Variants in ASPM observed in about 807,000 individuals in gnomAD.
ASPM encodes abnormal spindle-like microcephaly-associated protein.
In ASPM, 256 loss-of-function variants were observed where a neutral mutation model predicts 366.4. The ratio of observed to expected loss-of-function variants is 0.70; its 90% CI spans 0.63 to 0.77. The LOEUF is 0.77. ASPM is among the 30% of genes least tolerant of loss of function. The pLI is 0.00. For synonymous variants in ASPM, 1,414 were observed against 1,342.9 expected (o/e 1.05, Z -1.16); for missense variants, 4,146 against 4,090.4 (o/e 1.01, Z -0.37).
rs1223154061 is a variant in ASPM, at chr1:197,146,386, G to A, written c.52C>T (p.Arg18Trp). ...RGCWEVSPTE[R>W]RPPAGLRGPA... is the part of the protein sequence containing the mutation. ...CCCCGCAGCCCCGCGGGCGGCCTCCGCTCGGTCGGGCTCACTTCCCAGCAG... is the reference window on the plus strand; with the variant it reads ...CCCCGCAGCCCCGCGGGCGGCCTCCACTCGGTCGGGCTCACTTCCCAGCAG... Residue 18 changes from arginine (R) to tryptophan (W), a missense_variant, in exon 1 of 28, where the codon CGG (arginine) becomes TGG (tryptophan). Physicochemically the swap from Arg to Trp is moderately radical, Grantham distance 101. This residue lies in a region of ASPM where 512 missense variants were observed against 471.7 expected (regional missense o/e 1.09). Transcript: ENST00000367409. 3 of 1,609,372 alleles carry A rather than the reference G, an allele frequency of 1.9e-6. No homozygotes were observed. The highest frequency in any genetic ancestry group is 1.7e-6 in the Non-Finnish European group (2 of 1,179,204).
rs777344410 is a variant in ASPM at position 197,101,374 on chromosome 1, T to C, written c.7877A>G (p.Gln2626Arg). The change falls in exon 18 of 28, where the codon CAG becomes CGG. Residue 2626 changes from glutamine to arginine, a missense_variant. Gln to Arg is a conservative substitution (Grantham distance 43). This residue lies in a region of ASPM where 3,624 missense variants were observed against 3,591.7 expected (regional missense o/e 1.01). Transcript: ENST00000367409. ...ATGCTTCTGAATAATAATGGCAGCC[T>C]GGTGCTGTTCCTGAATCTGTTTTTT... is the stretch of plus-strand genomic sequence containing the variant. ...NIKKQIQEQH[Q>R]AAIIIQKHCK... 1.9e-6 allele frequency: 3 copies of C among 1,609,744 alleles called. No homozygotes were observed. Among genetic ancestry groups the C allele is most frequent in the Non-Finnish European group, 1.7e-6 (2 of 1,178,930 alleles).
chr1:197,111,728 G>A (rs542879262), intron 17 of ASPM, among the ~76,000 whole-genome samples: 1 of 151,900 alleles, frequency 6.6e-6, no homozygotes, highest in East Asian at 2.0e-4. Context: ...CACACACACT[G>A]GAGACATACA....
intron 27 of ASPM, among the ~76,000 whole-genome samples, chr1:197,085,230 C>G (rs1423455756): frequency 6.6e-6 from 1 of 152,128 alleles, no homozygotes; most frequent in African/African-American, 2.4e-5. Context: ...GTTTACACAA[C>G]CAAGCTGATT....
At position 197,107,928 on chromosome 1, in the gene ASPM, T is replaced by C. The variant is rs116821158; in HGVS notation, c.4066-2743A>G. ...ATACATAAACAAATAGTTGTGACCA[T>C]ATTCTAAAAAACTCTATTTATAAAA... is the stretch of plus-strand genomic sequence containing the variant. On this transcript the variant is annotated intron_variant, in intron 17 of 27. Coordinates refer to ENST00000367409, the MANE Select transcript of ASPM (RefSeq NM_018136.5). 3.0e-3 allele frequency among the ~76,000 whole-genome samples: 458 copies of C among 152,234 alleles called. 2 individuals carry two copies. The highest frequency in any genetic ancestry group is 0.011 in the African/African-American group (439 of 41,568).
At chr1:197,094,202 G>A in intron 19 of ASPM, 22 bp from the exon 20 acceptor site, 2 of 1,461,534 alleles carry the variant, frequency 1.4e-6, no homozygotes, top group Non-Finnish European at 1.9e-6. Flanking sequence ...TTATTGGAAA[G>A]CAATGTCAAA....
chr1:197,110,296 G>A (rs565251004), intron 17 of ASPM, among the ~76,000 whole-genome samples: 1 of 152,106 alleles, frequency 6.6e-6, no homozygotes, highest in African/African-American at 2.4e-5. Context: ...TGACAAAGGT[G>A]CAAAGACATT....
intron 17 of ASPM, among the ~76,000 whole-genome samples, chr1:197,106,175 C>A (rs1197843011): frequency 1.3e-5 from 2 of 151,982 alleles, no homozygotes; most frequent in Non-Finnish European, 2.9e-5. Flanking sequence ...ACATGCACAT[C>A]CCTTTTCCTG....
chr1:197,140,862 G>A (rs1212925742), intron 3 of ASPM, among the ~76,000 whole-genome samples: 1 of 152,136 alleles, frequency 6.6e-6, no homozygotes, highest in Non-Finnish European at 1.5e-5. Flanking sequence ...AATAGTGGAA[G>A]AAACAACCCT....
chr1:197,112,690 C>T (rs1452407949), intron 17 of ASPM, among the ~76,000 whole-genome samples: 8 of 152,116 alleles, frequency 5.3e-5, no homozygotes, highest in African/African-American at 1.9e-4. Context: ...GACCTGGAAG[C>T]CCCCTCCCTG....
rs1289452867 is a variant in ASPM, at chr1:197,142,547, C to A, written c.1705G>T (p.Ala569Ser). Residue 569 changes from alanine to serine, a missense_variant, in exon 3 of 28, where the codon GCT becomes TCT. By Grantham distance (99) the Ala-to-Ser change is moderately conservative (BLOSUM62 1). Coordinates refer to ENST00000367409, the MANE Select transcript of ASPM (RefSeq NM_018136.5). Reference protein sequence around the residue: ...KNEVTPSSTTASVARKRKSDG... With the variant: ...KNEVTPSSTTSSVARKRKSDG... The stretch of plus-strand genomic sequence containing the variant: ...CTCTTTCTTTTCCGAGCAACTGAAG[C>A]TGTTGTCGAAGAGGGTGTTACCTCG... The A allele has an allele frequency of 6.2e-7, 1 of 1,614,036 alleles. No homozygotes were observed.
intron 13 of ASPM, among the ~76,000 whole-genome samples, chr1:197,123,102 C>T (rs1158250405): frequency 6.6e-6 from 1 of 152,172 alleles, no homozygotes; most frequent in African/African-American, 2.4e-5. Flanking sequence ...TTATAATTCA[C>T]GCCTGCATTA....
At chr1:197,140,729 G>C (rs1247174459) in intron 3 of ASPM, among the ~76,000 whole-genome samples, 1 of 152,138 alleles carries the variant, frequency 6.6e-6, no homozygotes, top group African/African-American at 2.4e-5. Flanking sequence ...ATGGACAATG[G>C]AATGAACAGG....
intron 18 of ASPM, among the ~76,000 whole-genome samples, chr1:197,099,795 G>A (rs1169505585): frequency 2.6e-5 from 4 of 151,704 alleles, no homozygotes; most frequent in Non-Finnish European, 5.9e-5. Context: ...GTTATTGCAG[G>A]TAAAAAGAAA....
At chr1:197,088,208 A>T in intron 26 of ASPM, 48 bp downstream of exon 26, 1 of 1,579,766 alleles carries the variant, frequency 6.3e-7, no homozygotes. Context: ...CATAGACTTA[A>T]GACCACAGAA....
At chr1:197,095,959 A>T in intron 19 of ASPM, 39 bp downstream of exon 19, 1 of 1,536,942 alleles carries the variant, frequency 6.5e-7, no homozygotes, top group Non-Finnish European at 8.9e-7. Context: ...TATCACACAC[A>T]AATACTTTTA....
At position 197,146,597 on chromosome 1, in the gene ASPM, A is replaced by G. The variant is rs1215322205; in HGVS notation, c.-160T>C. On this transcript the variant is annotated 5_prime_UTR_variant, in exon 1 of 28. Coordinates refer to ENST00000367409, the MANE Select transcript of ASPM (RefSeq NM_018136.5). ...TTTCTTTTCCACTAACCTACTCCCT[A>G]GAAAACAGAAAACAAGCCCAATAAA... 2 of 697,766 alleles carry G rather than the reference A, an allele frequency of 2.9e-6. No individual in the cohort carries two copies. Among genetic ancestry groups the G allele is most frequent in the African/African-American group, 1.8e-5 (1 of 55,368 alleles). The allele number at this position is 697,766 out of a possible 1,614,324, so 43.2% of individuals were successfully genotyped here. A position where few individuals can be genotyped will look rare whatever the true frequency, so the allele number is the denominator to read the frequency against.
intron 10 of ASPM, 60 bp downstream of exon 10, chr1:197,128,430 G>A (rs1658154671): frequency 1.3e-6 from 2 of 1,497,242 alleles, no homozygotes; most frequent in Non-Finnish European, 1.9e-6. Flanking sequence ...CAAAAAAAGT[G>A]TTTTCCAGAA....
At chr1:197,091,191 A>C (rs1421640596) in intron 22 of ASPM, 150 bp from the exon 23 acceptor site, 1 of 735,560 alleles carries the variant, frequency 1.4e-6, no homozygotes, top group African/African-American at 1.8e-5. Flanking sequence ...TCCCCACTCC[A>C]CTTGGTGCAA....
Position 197,129,053 on chromosome 1 carries a change from C to G in ASPM, c.2760+134G>C, listed in dbSNP as rs1055359669. 1.8e-5 allele frequency: 17 copies of G among 933,270 alleles called. 1 individual carries two copies. In the African/African-American group the frequency reaches 2.5e-4, roughly 14 times the overall value. The allele number at this position is 933,270 out of a possible 1,614,324, so 57.8% of individuals were successfully genotyped here. Reference sequence around the variant, plus strand: ...TTACTGATGGGACTCACCAGACAGGCATTCCTATTTTACTCCTCTGAGTAT... The same window carrying G: ...TTACTGATGGGACTCACCAGACAGGGATTCCTATTTTACTCCTCTGAGTAT... On this transcript the variant is annotated intron_variant, in intron 9 of 27. Transcript: ENST00000367409.
Sources: allele counts gnomAD v4.1 joint callset (sites outside exome capture counted in the v4.1 genomes callset), GRCh38; gene constraint gnomAD v4.1.1; regional missense constraint gnomAD v4.1.1; transcripts MANE v1.5; gene names NCBI Gene and HGNC (gene_info 2026-07-23, HGNC 2026-07-21).